The following ASCC1 variants were observed in gnomAD, a reference collection of about 807,000 sequenced individuals.
ASCC1 encodes the protein ASC-1 complex subunit P50.
ASCC1 carries 35 observed loss-of-function variants against 46.6 expected under a neutral mutation model. That is an observed-to-expected ratio of 0.75 (90% CI 0.57 to 0.99). The LOEUF (loss-of-function observed/expected upper bound fraction) is 0.99. Among genes scored for constraint, ASCC1 ranks in the 50% least tolerant of loss-of-function variants. The probability of loss-of-function intolerance (pLI) is 0.00; values close to 1 mark genes in which losing one functional copy is unlikely to be tolerated. For missense variants in ASCC1, 376 were observed against 428.7 expected (o/e 0.88, Z 1.09); for synonymous variants, 143 against 146.6 (o/e 0.98, Z 0.18).
At chr10:72,203,658 G>A (rs1337606277) in intron 3 of ASCC1, 134 bp from the exon 4 acceptor site, 4 of 726,662 alleles carry the variant, frequency 5.5e-6, no homozygotes, top group Admixed American at 4.5e-5. Flanking sequence ...AATATTTGCG[G>A]AAGAAATTAC....
chr10:72,137,527 CAAAAAAAA>C (rs397956947), intron 7 of ASCC1, among the ~76,000 whole-genome samples: 1 of 76,132 alleles, frequency 1.3e-5, no homozygotes. Flanking sequence ...GACTCCATCT[CAAAAAAAA>C]AAAAAAAAAA....
At chr10:72,215,128 C>G (rs985649665) in intron 1 of ASCC1, among the ~76,000 whole-genome samples, 1 of 152,190 alleles carries the variant, frequency 6.6e-6, no homozygotes, top group African/African-American at 2.4e-5. Context: ...CCAACGTGGG[C>G]GCGGTGGCTC....
chr10:72,118,687 G>A (rs1317602904), intron 9 of ASCC1, among the ~76,000 whole-genome samples: 2 of 151,742 alleles, frequency 1.3e-5, no homozygotes, highest in African/African-American at 4.8e-5. Flanking sequence ...GCTGAGGCAG[G>A]AGAATTGCTT....
intron 5 of ASCC1, among the ~76,000 whole-genome samples, chr10:72,186,314 T>C (rs1161380757): frequency 6.6e-6 from 1 of 152,086 alleles, no homozygotes; most frequent in Non-Finnish European, 1.5e-5. Context: ...AATATATATG[T>C]GTATTCAAAA....
chr10:72,161,366 A>G (rs558378399), intron 6 of ASCC1, among the ~76,000 whole-genome samples, 172 bp downstream of exon 6: 1 of 152,308 alleles, frequency 6.6e-6, no homozygotes, highest in East Asian at 1.9e-4. Context: ...AGATGTGATT[A>G]AGGTTATGGA....
At chr10:72,133,769 G>A (rs1845871654) in intron 7 of ASCC1, 1 of 168,592 alleles carries the variant, frequency 5.9e-6, no homozygotes, top group Admixed American at 5.6e-5. Flanking sequence ...AGAGTGGGAA[G>A]GGCTTTAGAA....
chr10:72,154,217 G>A (rs1848690593), intron 6 of ASCC1, among the ~76,000 whole-genome samples: 2 of 152,108 alleles, frequency 1.3e-5, no homozygotes, highest in Non-Finnish European at 2.9e-5. Context: ...AATAAATGCA[G>A]AAGGAACAAC....
chr10:72,179,774 T>C (rs879463166), intron 5 of ASCC1, among the ~76,000 whole-genome samples: 2 of 152,180 alleles, frequency 1.3e-5, no homozygotes, highest in Non-Finnish European at 2.9e-5. Context: ...TGCTATTTTA[T>C]ACATCACTCA....
chr10:72,208,234 A>G (rs558901765), intron 3 of ASCC1, among the ~76,000 whole-genome samples: 12 of 152,292 alleles, frequency 7.9e-5, no homozygotes, highest in African/African-American at 2.4e-4. Context: ...TAGAGAAATC[A>G]AAAGATTATC....
intron 5 of ASCC1, among the ~76,000 whole-genome samples, chr10:72,161,970 G>A (rs1294395094): frequency 6.6e-6 from 1 of 151,804 alleles, no homozygotes; most frequent in Non-Finnish European, 1.5e-5. Flanking sequence ...AAACATGGAC[G>A]ACAAAAGAAA....
intron 5 of ASCC1, among the ~76,000 whole-genome samples, chr10:72,187,486 T>C (rs907323987): frequency 6.6e-6 from 1 of 151,546 alleles, no homozygotes; most frequent in Non-Finnish European, 1.5e-5. Flanking sequence ...TTTGGGAGGC[T>C]GGGCCAGGCG....
At chr10:72,172,856 TTATATTATA>T (rs1478354952) in intron 5 of ASCC1, among the ~76,000 whole-genome samples, 3 of 124,796 alleles carry the variant, frequency 2.4e-5, no homozygotes, top group African/African-American at 5.9e-5. Context: ...TATAATATTT[TTATATTATA>T]TATATTATAT....
chr10:72,170,610 A>AG (rs200686614), intron 5 of ASCC1, among the ~76,000 whole-genome samples: 62 of 150,598 alleles, frequency 4.1e-4, no homozygotes, highest in African/African-American at 1.4e-3. Flanking sequence ...AAAAAAAAAA[A>AG]AAAGAAAGAA....
At chr10:72,153,037 G>A (rs775123351) in intron 6 of ASCC1, 49 bp from the exon 7 acceptor site, 4 of 1,611,410 alleles carry the variant, frequency 2.5e-6, no homozygotes, top group Non-Finnish European at 3.4e-6. Flanking sequence ...AAGCTAAGAG[G>A]GCTATTTTAT....
chr10:72,118,086 G>A (rs542747459), intron 9 of ASCC1, among the ~76,000 whole-genome samples: 9 of 152,232 alleles, frequency 5.9e-5, no homozygotes, highest in Non-Finnish European at 8.8e-5. Flanking sequence ...AATAATTTTC[G>A]GCCGGACATG....
Position 72,096,089 on chromosome 10 carries a change from G to A in ASCC1, c.*1245C>T, listed in dbSNP as rs1352236073. 6.6e-6 allele frequency: 3 copies of A among 454,008 alleles called. No homozygotes were observed. Among genetic ancestry groups the A allele is most frequent in the South Asian group, 3.1e-5 (2 of 64,462 alleles). The allele number at this position is 454,008 out of a possible 1,614,324, so 28.1% of individuals were successfully genotyped here. A position where few individuals can be genotyped will look rare whatever the true frequency, so the allele number is the denominator to read the frequency against. On this transcript the variant is annotated 3_prime_UTR_variant, in exon 10 of 10. Coordinates refer to ENST00000672957, the MANE Select transcript of ASCC1 (RefSeq NM_001198800.3). ...TGCAGTCCCAATAATAAATCTCACT[G>A]TTAGACACAGTCCTCACAATGTAGC...
chr10:72,174,079 G>T (rs143098027), intron 5 of ASCC1, among the ~76,000 whole-genome samples: 90 of 152,232 alleles, frequency 5.9e-4, no homozygotes, highest in African/African-American at 1.9e-3. Context: ...GTTAAATAAG[G>T]CCTCATCCAT....
intron 7 of ASCC1, among the ~76,000 whole-genome samples, chr10:72,136,029 T>C (rs1846144930): frequency 6.6e-6 from 1 of 152,158 alleles, no homozygotes; most frequent in African/African-American, 2.4e-5. Flanking sequence ...GTTGTTGTTT[T>C]TCTTTTTTTA....
intron 9 of ASCC1, among the ~76,000 whole-genome samples, chr10:72,119,524 G>A (rs1168681429): frequency 2.0e-5 from 3 of 152,166 alleles, no homozygotes; most frequent in Non-Finnish European, 1.5e-5. Flanking sequence ...TCCACCTAAC[G>A]GGGGTGATGA....
Sources: gnomAD v4.1 joint callset for allele counts (sites outside exome capture counted in the v4.1 genomes callset) on GRCh38, gnomAD v4.1.1 for gene constraint, MANE v1.5 for transcripts, NCBI Gene and HGNC (gene_info 2026-07-23, HGNC 2026-07-21) for gene names.